STARD8: variants seen among roughly 807,000 people sequenced by gnomAD.
STARD8 encodes StAR related lipid transfer domain containing 8.
In STARD8, 25 loss-of-function variants were observed where a neutral mutation model predicts 69.4. The ratio of observed to expected loss-of-function variants is 0.36; its 90% CI spans 0.26 to 0.50. The LOEUF (loss-of-function observed/expected upper bound fraction) is 0.50, where lower values mean the gene tolerates loss of function less well. Ranked by LOEUF, STARD8 falls within the 20% of genes least tolerant of loss-of-function variation. The pLI, the probability that STARD8 is intolerant of heterozygous loss-of-function variation, is 0.96. For missense variants in STARD8, 921 were observed against 932.5 expected, an observed-to-expected ratio of 0.99 and a Z score of 0.16; for synonymous variants, 389 against 374.6, an observed-to-expected ratio of 1.04 and a Z score of -0.45.
intron 2 of STARD8, among the ~76,000 whole-genome samples, chrX:68,672,297 A>G (rs1431074987): frequency 8.9e-6 from 1 of 111,830 alleles, no homozygotes; most frequent in Non-Finnish European, 1.9e-5. Context: ...GAGATCTTAT[A>G]GCTCATACAG....
chrX:68,716,428 G>A lies in STARD8; in HGVS notation c.294G>A (p.Lys98=). Residue 98 remains lysine (K), a synonymous_variant, in exon 5 of 15, where the codon AAG becomes AAA. Coordinates refer to ENST00000374599, the MANE Select transcript of STARD8 (RefSeq NM_001142503.3). ...SMKLEVHFQS[K]QNEDSEEEEQ... is the part of the protein sequence containing the mutation. ...AACTGGAGGTTCATTTTCAAAGCAA[G>A]CAGGTGAGTCATGGCAAAGCGTGGG... The A allele has an allele frequency of 8.3e-7, 1 of 1,210,977 alleles. No individual in the cohort carries two copies. The highest frequency in any genetic ancestry group is 1.1e-6 in the Non-Finnish European group (1 of 895,053).
intron 2 of STARD8, among the ~76,000 whole-genome samples, chrX:68,677,250 A>G (rs778132489): frequency 3.6e-5 from 4 of 111,855 alleles, no homozygotes; most frequent in Non-Finnish European, 7.5e-5. Flanking sequence ...AGCTTCAGCA[A>G]ATTCTATCAC....
chrX:68,697,018 C>T (rs1205631742), intron 2 of STARD8, among the ~76,000 whole-genome samples: 1 of 111,753 alleles, frequency 8.9e-6, no homozygotes, highest in Non-Finnish European at 1.9e-5. Flanking sequence ...GCCATTTGCC[C>T]ATGGCCAATC....
At chrX:68,674,488 G>T (rs2079751519) in intron 2 of STARD8, among the ~76,000 whole-genome samples, 1 of 110,418 alleles carries the variant, frequency 9.1e-6, no homozygotes, top group Non-Finnish European at 1.9e-5. Context: ...AAAACAGTAG[G>T]CTCCTTGAGG....
In STARD8 at chrX:68,724,544, C is replaced by A; in HGVS notation, c.*122C>A. The A allele has an allele frequency of 1.9e-6, 1 of 530,109 alleles. No individual in the cohort carries two copies. The highest frequency in any genetic ancestry group is 3.1e-6 in the Non-Finnish European group (1 of 322,670). 43.7% of individuals were successfully genotyped at this position (530,109 alleles called of 1,213,427 possible). ...CAGGAGCAGAGCCAGGCCCAGGTGGCTCCAGCTGCCTGTCCTGTCCCCTTT... is the reference window on the plus strand; with the variant it reads ...CAGGAGCAGAGCCAGGCCCAGGTGGATCCAGCTGCCTGTCCTGTCCCCTTT... On this transcript the variant is annotated 3_prime_UTR_variant, in exon 15 of 15. Coordinates refer to ENST00000374599, the MANE Select transcript of STARD8 (RefSeq NM_001142503.3).
At chrX:68,650,481 GGGAGGAGGAGGA>G (rs373796316) in intron 1 of STARD8, among the ~76,000 whole-genome samples, 1 of 82,613 alleles carries the variant, frequency 1.2e-5, no homozygotes, top group African/African-American at 6.1e-5. Context: ...GGAGGAGGAG[GGGAGGAGGAGGA>G]GGAGGAGGAG....
Position 68,723,923 on chromosome X carries a change from C to G in STARD8, c.3018-22C>G, listed in dbSNP as rs761543057. The G allele has an allele frequency of 1.7e-5, 20 of 1,210,082 alleles. No homozygotes were observed. The South Asian group carries it at 2.8e-4, about 17-fold the overall frequency. Reference sequence around the variant, plus strand: ...GGAAACCAGCACTAGGAATCTGAGCCTACGTGTCCCTTCTCCAATAGGATG... The same window carrying G: ...GGAAACCAGCACTAGGAATCTGAGCGTACGTGTCCCTTCTCCAATAGGATG... On this transcript the variant is annotated intron_variant, in intron 13 of 14. Transcript: ENST00000374599.
At chrX:68,710,743 T>C (rs910821740) in intron 2 of STARD8, among the ~76,000 whole-genome samples, 2 of 112,444 alleles carry the variant, frequency 1.8e-5, no homozygotes, top group Admixed American at 9.3e-5. Context: ...CTCCCTTTCC[T>C]GGGGTGGCCA....
intron 1 of STARD8, among the ~76,000 whole-genome samples, chrX:68,662,349 C>A (rs1249306577): frequency 9.0e-6 from 1 of 111,207 alleles, no homozygotes; most frequent in Non-Finnish European, 1.9e-5. Context: ...CCAATCCATC[C>A]TTCACTCAAC....
At position 68,666,798 on chromosome X, in the gene STARD8, C is replaced by T. The variant is rs145461996; in HGVS notation, c.79+1266C>T. The stretch of plus-strand genomic sequence containing the variant: ...ATCATCATTCCAAGGCGTCTTGCTG[C>T]GCAGTTTCTGCTTTGCAACAGAGAC... On this transcript the variant is annotated intron_variant, in intron 2 of 14. Coordinates refer to ENST00000374599, the MANE Select transcript of STARD8 (RefSeq NM_001142503.3). Among the ~76,000 whole-genome samples the T allele has an allele frequency of 2.5e-3, 280 of 112,429 alleles. 1 individual carries two copies. Among genetic ancestry groups the T allele is most frequent in the African/African-American group, 8.4e-3 (260 of 30,908 alleles).
At chrX:68,700,419 A>G (rs911185436) in intron 2 of STARD8, among the ~76,000 whole-genome samples, 3 of 112,510 alleles carry the variant, frequency 2.7e-5, no homozygotes, top group African/African-American at 9.7e-5. Flanking sequence ...TGTTTTCCCC[A>G]AACCACACCC....
At chrX:68,649,148 G>C in intron 1 of STARD8, among the ~76,000 whole-genome samples, 1 of 111,840 alleles carries the variant, frequency 8.9e-6, no homozygotes, top group East Asian at 2.8e-4. Context: ...CCATTCCACC[G>C]GGAGGGACTT....
intron 2 of STARD8, among the ~76,000 whole-genome samples, chrX:68,702,561 T>A (rs1232285225): frequency 8.9e-6 from 1 of 112,160 alleles, no homozygotes; most frequent in Non-Finnish European, 1.9e-5. Flanking sequence ...GTGTCTGCTG[T>A]GTGCCAGGCC....
chrX:68,722,872 C>T (rs780723094), intron 12 of STARD8, among the ~76,000 whole-genome samples: 5 of 112,641 alleles, frequency 4.4e-5, no homozygotes, highest in Admixed American at 9.4e-5. Context: ...CCAGAATGAC[C>T]TTCCAAAAGC....
intron 2 of STARD8, among the ~76,000 whole-genome samples, chrX:68,679,046 T>C (rs2079784610): frequency 8.9e-6 from 1 of 112,207 alleles, no homozygotes; most frequent in Non-Finnish European, 1.9e-5. Flanking sequence ...TGGCGACTAT[T>C]CTTGCCATTG....
intron 2 of STARD8, among the ~76,000 whole-genome samples, chrX:68,668,057 T>TTTTCTTTCTCTC (rs2079695359): frequency 1.4e-5 from 1 of 71,566 alleles, no homozygotes; most frequent in Non-Finnish European, 2.7e-5. Flanking sequence ...TCTCTCTTTC[T>TTTTCTTTCTCTC]TTTCTTTCTT....
At chrX:68,683,085 A>T in intron 2 of STARD8, among the ~76,000 whole-genome samples, 1 of 112,258 alleles carries the variant, frequency 8.9e-6, no homozygotes. Context: ...CAGGATTAGC[A>T]TCGATATAGG....
chrX:68,658,018 G>A (rs1220915788), intron 1 of STARD8, among the ~76,000 whole-genome samples: 2 of 110,555 alleles, frequency 1.8e-5, no homozygotes, highest in Admixed American at 9.7e-5. Context: ...GGAGGTTGGG[G>A]GAGGCAAAAA....
At chrX:68,670,091 T>A (rs767835179) in intron 2 of STARD8, among the ~76,000 whole-genome samples, 1 of 112,274 alleles carries the variant, frequency 8.9e-6, no homozygotes, top group South Asian at 3.7e-4. Flanking sequence ...TTAGGGAGCA[T>A]CTGGAATTTA....
Sources: gnomAD v4.1 joint callset for allele counts (sites outside exome capture counted in the v4.1 genomes callset) on GRCh38, gnomAD v4.1.1 for gene constraint, MANE v1.5 for transcripts, NCBI Gene and HGNC (gene_info 2026-07-23, HGNC 2026-07-21) for gene names.